The following MAGI2 variants were observed in gnomAD, a reference collection of about 807,000 sequenced individuals.
MAGI2 encodes the protein membrane associated guanylate kinase, WW and PDZ domain containing 2.
In MAGI2, 35 loss-of-function variants were observed where a neutral mutation model predicts 133.3. That is an observed-to-expected ratio of 0.26 (90% confidence interval 0.20 to 0.35). The LOEUF (loss-of-function observed/expected upper bound fraction) is 0.35. Among genes scored for constraint, MAGI2 ranks in the 10% least tolerant of loss-of-function variants. The pLI, the probability that MAGI2 is intolerant of heterozygous loss-of-function variation, is 1.00. For synonymous variants in MAGI2, 729 were observed against 710.6 expected (o/e 1.03, Z -0.41); for missense variants, 1,636 against 1,863.4 (o/e 0.88, Z 2.25).
intron 1 of MAGI2, among the ~76,000 whole-genome samples, chr7:79,230,636 GTTGT>G (rs1353089688): frequency 6.7e-6 from 1 of 149,674 alleles, no homozygotes; most frequent in Non-Finnish European, 1.5e-5. Flanking sequence ...TTTTGATGGG[GTTGT>G]TTGTTTTTTT....
intron 2 of MAGI2, among the ~76,000 whole-genome samples, chr7:78,694,629 C>G (rs1021579825): frequency 2.0e-5 from 3 of 152,132 alleles, no homozygotes; most frequent in African/African-American, 7.2e-5. Flanking sequence ...TAAAAGACCC[C>G]TTCCATAATA....
chr7:79,105,714 C>T (rs553934027), intron 1 of MAGI2, among the ~76,000 whole-genome samples: 114 of 152,192 alleles, frequency 7.5e-4, no homozygotes, highest in African/African-American at 2.3e-3. Context: ...GCAACAAACC[C>T]GACTAACCAT....
chr7:78,411,881 GATATTACCATTTTGGACATTATA>G (rs1457225553), intron 6 of MAGI2, among the ~76,000 whole-genome samples: 1 of 151,932 alleles, frequency 6.6e-6, no homozygotes, highest in Non-Finnish European at 1.5e-5. Flanking sequence ...AGTAAGACTA[GATATTACCATTTTGGACATTATA>G]ATGATTTTAC....
chr7:78,932,962 G>A (rs533640690), intron 2 of MAGI2, among the ~76,000 whole-genome samples: 8 of 152,192 alleles, frequency 5.3e-5, no homozygotes, highest in Non-Finnish European at 7.4e-5. Context: ...ATGCTAATGC[G>A]GCAGCCACGC....
intron 1 of MAGI2, among the ~76,000 whole-genome samples, chr7:79,403,338 A>G (rs1326560452): frequency 6.6e-6 from 1 of 152,168 alleles, no homozygotes; most frequent in Non-Finnish European, 1.5e-5. Context: ...TTAGTGACTC[A>G]ATATATCAGC....
At chr7:78,937,505 G>A (rs117503885) in intron 2 of MAGI2, among the ~76,000 whole-genome samples, 1,665 of 152,162 alleles carry the variant, frequency 0.011, 20 homozygotes, top group African/African-American at 0.03. Context: ...GTCTCCAAGT[G>A]TTTTTCCATA....
At chr7:78,147,246 T>C (rs1823392642) in intron 16 of MAGI2, among the ~76,000 whole-genome samples, 1 of 152,210 alleles carries the variant, frequency 6.6e-6, no homozygotes, top group South Asian at 2.1e-4. Context: ...CTTGATCATA[T>C]ATTAACTTTG....
At chr7:78,922,453 T>C (rs1365571064) in intron 2 of MAGI2, among the ~76,000 whole-genome samples, 1 of 151,842 alleles carries the variant, frequency 6.6e-6, no homozygotes, top group Admixed American at 6.6e-5. Flanking sequence ...TTTGGTTTTT[T>C]GTCCTTGCGA....
Position 78,772,699 on chromosome 7 carries a change from G to T in MAGI2, c.419-145460C>A, listed in dbSNP as rs149081997. Among the ~76,000 whole-genome samples, 104 of 152,226 alleles carry T rather than the reference G, an allele frequency of 6.8e-4. 1 individual carries two copies. Among genetic ancestry groups the T allele is most frequent in the Middle Eastern group, 3.4e-3 (1 of 294 alleles). ...GCAAAGCTTTACCTTGCATGGAAAAGATCCCATTTAAGCTTTTAAAATAAA... is the reference window on the plus strand; with the variant it reads ...GCAAAGCTTTACCTTGCATGGAAAATATCCCATTTAAGCTTTTAAAATAAA... On this transcript the variant is annotated intron_variant, in intron 2 of 21. Transcript: ENST00000354212.
intron 2 of MAGI2, among the ~76,000 whole-genome samples, chr7:78,764,036 T>C (rs1002466785): frequency 1.3e-5 from 2 of 152,176 alleles, no homozygotes; most frequent in African/African-American, 4.8e-5. Flanking sequence ...GATTCTTACA[T>C]AGTGCTGTGG....
chr7:79,360,429 C>T (rs912813072), intron 1 of MAGI2, among the ~76,000 whole-genome samples: 2 of 151,718 alleles, frequency 1.3e-5, no homozygotes, highest in Non-Finnish European at 2.9e-5. Flanking sequence ...ACTAGAACAT[C>T]AAAAAGGAAG....
chr7:78,492,412 A>G (rs1793707555), intron 5 of MAGI2, among the ~76,000 whole-genome samples: 1 of 152,166 alleles, frequency 6.6e-6, no homozygotes, highest in Admixed American at 6.6e-5. Context: ...ATGAAGATCC[A>G]GCACAGTATT....
At chr7:79,329,826 A>G (rs1436732072) in intron 1 of MAGI2, among the ~76,000 whole-genome samples, 1 of 152,210 alleles carries the variant, frequency 6.6e-6, no homozygotes, top group African/African-American at 2.4e-5. Context: ...AAGCTGTTTT[A>G]CACCATAATA....
intron 2 of MAGI2, among the ~76,000 whole-genome samples, chr7:78,900,728 A>G (rs1797561891): frequency 6.6e-6 from 1 of 152,078 alleles, no homozygotes; most frequent in South Asian, 2.1e-4. Context: ...TATACCATAT[A>G]TTTATTTTTT....
chr7:78,120,356 T>C (rs745532929), intron 20 of MAGI2, among the ~76,000 whole-genome samples: 1 of 152,104 alleles, frequency 6.6e-6, no homozygotes, highest in Non-Finnish European at 1.5e-5. Flanking sequence ...TGAGCCGAGA[T>C]TGTGCCACTG....
chr7:79,260,460 T>G (rs551600040), intron 1 of MAGI2, among the ~76,000 whole-genome samples: 40 of 152,230 alleles, frequency 2.6e-4, no homozygotes, highest in African/African-American at 8.4e-4. Context: ...AATAAGTAGG[T>G]TAGAGCTATA....
chr7:78,439,180 G>T (rs570067462), intron 6 of MAGI2, among the ~76,000 whole-genome samples: 51 of 152,282 alleles, frequency 3.3e-4, no homozygotes, highest in Non-Finnish European at 6.5e-4. Flanking sequence ...GGAATTTTCA[G>T]TTCCTTGGAT....
At chr7:79,342,822 C>A (rs1841000816) in intron 1 of MAGI2, among the ~76,000 whole-genome samples, 1 of 152,036 alleles carries the variant, frequency 6.6e-6, no homozygotes, top group African/African-American at 2.4e-5. Context: ...TGCAATGGTG[C>A]AATCTTGGCT....
At chr7:79,259,326 G>A (rs1375285348) in intron 1 of MAGI2, among the ~76,000 whole-genome samples, 1 of 152,106 alleles carries the variant, frequency 6.6e-6, no homozygotes, top group East Asian at 1.9e-4. Flanking sequence ...TAAGCTGAAT[G>A]GCACCTTATA....
Sources: allele counts gnomAD v4.1 joint callset (sites outside exome capture counted in the v4.1 genomes callset), GRCh38; gene constraint gnomAD v4.1.1; transcripts MANE v1.5; gene names NCBI Gene and HGNC (gene_info 2026-07-23, HGNC 2026-07-21).